Variants in ST6GAL2 observed in about 807,000 individuals in gnomAD.
ST6GAL2 encodes beta-galactoside alpha-2,6-sialyltransferase 2.
A neutral mutation model predicts 37.5 loss-of-function variants in ST6GAL2; 24 were observed. The observed-to-expected ratio is 0.64, with a 90% CI of 0.46 to 0.90. The LOEUF (loss-of-function observed/expected upper bound fraction) is 0.90. ST6GAL2 is among the 40% of genes least tolerant of loss of function. The pLI is 0.00. For synonymous variants in ST6GAL2, 306 were observed against 295.1 expected (o/e 1.04, Z -0.38); for missense variants, 715 against 712.7 (o/e 1.00, Z -0.04).
At chr2:106,861,139 G>A (rs2104580612) in intron 1 of ST6GAL2, among the ~76,000 whole-genome samples, 1 of 152,220 alleles carries the variant, frequency 6.6e-6, no homozygotes, top group African/African-American at 2.4e-5. Context: ...GGATGACACA[G>A]GAAAATAGCA....
intron 5 of ST6GAL2, among the ~76,000 whole-genome samples, chr2:106,821,470 T>C (rs1676002084): frequency 6.6e-6 from 1 of 151,634 alleles, no homozygotes; most frequent in Non-Finnish European, 1.5e-5. Flanking sequence ...GATTGAGTTA[T>C]AAAGAAATCC....
intron 2 of ST6GAL2, chr2:106,834,516 A>C (rs1164922724): frequency 6.2e-6 from 1 of 161,854 alleles, no homozygotes; most frequent in Non-Finnish European, 1.3e-5. Context: ...TAAAGACACT[A>C]GAAAGCAAGG....
intron 4 of ST6GAL2, among the ~76,000 whole-genome samples, chr2:106,831,336 G>A (rs541008059): frequency 2.0e-5 from 3 of 152,322 alleles, no homozygotes; most frequent in South Asian, 4.1e-4. Context: ...TTTTAGCACT[G>A]CTGGGTGGCC....
At chr2:106,807,706 C>T (rs1258131190) in intron 5 of ST6GAL2, among the ~76,000 whole-genome samples, 1 of 148,906 alleles carries the variant, frequency 6.7e-6, no homozygotes, top group South Asian at 2.1e-4. Context: ...TCACTGCAAG[C>T]TCCCCCTTCC....
intron 1 of ST6GAL2, among the ~76,000 whole-genome samples, chr2:106,868,490 C>G (rs1178539447): frequency 6.6e-6 from 1 of 152,134 alleles, no homozygotes; most frequent in African/African-American, 2.4e-5. Flanking sequence ...AAAATAAACT[C>G]TTCATAGGTC....
intron 1 of ST6GAL2, among the ~76,000 whole-genome samples, chr2:106,849,812 CT>C (rs1357866801): frequency 1.3e-5 from 2 of 152,208 alleles, no homozygotes; most frequent in African/African-American, 4.8e-5. Context: ...CAAAGCTTAA[CT>C]CTTTCAACCA....
chr2:106,837,371 C>G (rs867072179), intron 2 of ST6GAL2, among the ~76,000 whole-genome samples: 2 of 152,168 alleles, frequency 1.3e-5, no homozygotes, highest in Non-Finnish European at 2.9e-5. Context: ...AAGCCCCTGT[C>G]TCATGCATCA....
At chr2:106,883,498 G>T (rs1678835300) in intron 1 of ST6GAL2, among the ~76,000 whole-genome samples, 1 of 152,106 alleles carries the variant, frequency 6.6e-6, no homozygotes, top group Non-Finnish European at 1.5e-5. Flanking sequence ...ATGCATCTGT[G>T]TTTCCCTTCC....
At chr2:106,842,995 G>A in intron 2 of ST6GAL2, 40 bp downstream of exon 2, 1 of 1,327,178 alleles carries the variant, frequency 7.5e-7, no homozygotes, top group South Asian at 2.3e-5. Context: ...GGACACACTG[G>A]CTCAAGACAG....
intron 5 of ST6GAL2, among the ~76,000 whole-genome samples, chr2:106,814,389 C>T (rs1222322220): frequency 6.6e-6 from 1 of 151,910 alleles, no homozygotes; most frequent in East Asian, 1.9e-4. Context: ...TGTTTTTAAG[C>T]CTATTATTCT....
intron 5 of ST6GAL2, among the ~76,000 whole-genome samples, chr2:106,821,721 T>C (rs1597139): frequency 0.22 from 33,292 of 151,874 alleles, 4,236 homozygotes; most frequent in East Asian, 0.49. Flanking sequence ...AAGAAAACTA[T>C]GGGCCAATAT....
intron 5 of ST6GAL2, among the ~76,000 whole-genome samples, chr2:106,812,268 C>A (rs1675640473): frequency 6.6e-6 from 1 of 152,214 alleles, no homozygotes; most frequent in African/African-American, 2.4e-5. Context: ...TAACGTCTCA[C>A]CTCCAGAACC....
chr2:106,868,383 C>A (rs1011253222), intron 1 of ST6GAL2, among the ~76,000 whole-genome samples: 1 of 152,214 alleles, frequency 6.6e-6, no homozygotes, highest in Admixed American at 6.5e-5. Flanking sequence ...TCCTCACAGG[C>A]TGCCCTCTAC....
rs371892715 is a variant in ST6GAL2, at chr2:106,819,126, A to G, written c.1318+10940T>C. Among the ~76,000 whole-genome samples, 54 of 152,326 alleles carry G rather than the reference A, an allele frequency of 3.5e-4. 1 individual carries two copies. In the South Asian group the frequency reaches 8.9e-3, roughly 25 times the overall value. ...AAATAGCCTCAAAAGGACAAACCTA[A>G]GAGCTATTTGTCTTAAAGAGGAGGT... is the stretch of plus-strand genomic sequence containing the variant. On this transcript the variant is annotated intron_variant, in intron 5 of 5. Transcript: ENST00000409382.
chr2:106,848,896 C>G (rs1194053211), intron 1 of ST6GAL2, among the ~76,000 whole-genome samples: 1 of 152,044 alleles, frequency 6.6e-6, no homozygotes, highest in African/African-American at 2.4e-5. Context: ...GAGATAAGAC[C>G]CTCTCAGATC....
At chr2:106,869,241 G>T (rs1678161754) in intron 1 of ST6GAL2, among the ~76,000 whole-genome samples, 1 of 152,064 alleles carries the variant, frequency 6.6e-6, no homozygotes. Context: ...GGAGGGGAGG[G>T]GCACCTTTCA....
intron 5 of ST6GAL2, among the ~76,000 whole-genome samples, chr2:106,827,561 C>T (rs1676255828): frequency 6.6e-6 from 1 of 152,208 alleles, no homozygotes; most frequent in Non-Finnish European, 1.5e-5. Flanking sequence ...ACCCACAGAG[C>T]ACAGCCTGCC....
chr2:106,836,507 G>T lies in ST6GAL2; in HGVS notation c.944-2361C>A, dbSNP rs541221286. 3.8e-4 allele frequency among the ~76,000 whole-genome samples: 58 copies of T among 151,926 alleles called. 1 individual carries two copies. The highest frequency in any genetic ancestry group is 1.3e-3 in the African/African-American group (53 of 41,456). On this transcript the variant is annotated intron_variant, in intron 2 of 5. Transcript: ENST00000409382. ...CTCTTAAAATGGATCTTTCACTCAC[G>T]CATAATTGTATAATATTGTACAATG...
At position 106,856,636 on chromosome 2, in the gene ST6GAL2, G is replaced by A. The variant is rs527644285; in HGVS notation, c.-57-12602C>T. Among the ~76,000 whole-genome samples the A allele has an allele frequency of 2.0e-3, 303 of 152,288 alleles. 1 individual carries two copies. Among genetic ancestry groups the A allele is most frequent in the Middle Eastern group, 0.01 (3 of 294 alleles). Reference sequence around the variant, plus strand: ...CCTATGATTGAGGAGCTATGATCAAGCCCATTTTATGGATGAGAAAAATGA... The same window carrying A: ...CCTATGATTGAGGAGCTATGATCAAACCCATTTTATGGATGAGAAAAATGA... On this transcript the variant is annotated intron_variant, in intron 1 of 5. Transcript: ENST00000409382.
Sources: gnomAD v4.1 joint callset for allele counts (sites outside exome capture counted in the v4.1 genomes callset) on GRCh38, gnomAD v4.1.1 for gene constraint, MANE v1.5 for transcripts, NCBI Gene and HGNC (gene_info 2026-07-23, HGNC 2026-07-21) for gene names.